Variants in ZHX3 observed in about 807,000 individuals in gnomAD.
ZHX3 encodes the protein zinc fingers and homeoboxes 3, also known as zinc fingers and homeoboxes protein 3.
In ZHX3, 20 loss-of-function variants were observed where a neutral mutation model predicts 64.5. The observed-to-expected ratio is 0.31, with a 90% CI of 0.22 to 0.45. The LOEUF (loss-of-function observed/expected upper bound fraction) is 0.45. Ranked by LOEUF, ZHX3 falls within the 20% of genes least tolerant of loss-of-function variation. The pLI is 1.00. For synonymous variants in ZHX3, 423 were observed against 461.6 expected (o/e 0.92, Z 1.07); for missense variants, 1,041 against 1,195.8 (o/e 0.87, Z 1.91).
At chr20:41,253,723 T>G (rs1342445449) in intron 2 of ZHX3, among the ~76,000 whole-genome samples, 1 of 152,048 alleles carries the variant, frequency 6.6e-6, no homozygotes, top group Non-Finnish European at 1.5e-5. Flanking sequence ...ACATCTTACT[T>G]CCAAAGAAAA....
chr20:41,185,022 C>T lies in ZHX3; in HGVS notation c.*169G>A, dbSNP rs536866385. The T allele has an allele frequency of 1.7e-4, 270 of 1,551,484 alleles. 5 individuals carry two copies. In the South Asian group the frequency reaches 2.8e-3, roughly 16 times the overall value. On this transcript the variant is annotated 3_prime_UTR_variant, in exon 4 of 4. Transcript: ENST00000683867. The surrounding 1 kb of genome is among the most constrained non-coding windows in gnomAD (Gnocchi z 5.0). The stretch of plus-strand genomic sequence containing the variant: ...GCTGCTTGCTTGGTGGTGGGCAGGC[C>T]GAGGGTAGCGGCAGGCTCTGGGCTG...
rs927089100 is a variant in ZHX3, at chr20:41,183,196, T to C, written c.*1995A>G. 4 of 152,222 alleles carry C rather than the reference T, an allele frequency of 2.6e-5. No homozygotes were observed. The South Asian group carries it at 6.2e-4, about 24-fold the overall frequency. The allele number at this position is 152,222 out of a possible 1,614,324, so 9.4% of individuals were successfully genotyped here. ...ATATGTGTGTGTGTATATATATATATATAAATTAATCTGCACGTATATAAA... is the reference window on the plus strand; with the variant it reads ...ATATGTGTGTGTGTATATATATATACATAAATTAATCTGCACGTATATAAA... On this transcript the variant is annotated 3_prime_UTR_variant, in exon 4 of 4. Transcript: ENST00000683867. This position sits in a 1 kb window ranked among gnomAD's most constrained non-coding sequence, Gnocchi z 5.3.
At chr20:41,236,643 T>C (rs1480332726) in intron 2 of ZHX3, among the ~76,000 whole-genome samples, 1 of 152,212 alleles carries the variant, frequency 6.6e-6, no homozygotes, top group Non-Finnish European at 1.5e-5. Flanking sequence ...AAGACTTAAA[T>C]GTTAGACGTA....
At chr20:41,222,269 C>T (rs940271351) in intron 2 of ZHX3, among the ~76,000 whole-genome samples, 19 of 152,110 alleles carry the variant, frequency 1.2e-4, no homozygotes, top group African/African-American at 3.6e-4. Flanking sequence ...ATTGTAGCCA[C>T]GGGAATCAAG....
At chr20:41,255,150 GATAT>G (rs970106723) in intron 2 of ZHX3, among the ~76,000 whole-genome samples, 1 of 151,400 alleles carries the variant, frequency 6.6e-6, no homozygotes, top group Admixed American at 6.6e-5. Context: ...TTGAAAAAAT[GATAT>G]ATATATATTT....
At position 41,202,085 on chromosome 20, in the gene ZHX3, T is replaced by A. The variant is rs1458145801; in HGVS notation, c.2832A>T (p.Thr944=). 2.5e-6 allele frequency: 4 copies of A among 1,607,864 alleles called. No homozygotes were observed. Among genetic ancestry groups the A allele is most frequent in the Non-Finnish European group, 3.4e-6 (4 of 1,176,212 alleles). ...GCTGACGTCCAGCCTGGGGACTCGA[T>A]GTGTCAAAGGGCTCTGAGCTGGCCT... is the stretch of plus-strand genomic sequence containing the variant. The part of the protein sequence containing the change: ...VPEASSEPFD[T]SSPQAGRQLE... The change falls in exon 3 of 4, where the codon ACA becomes ACT. Residue 944 remains threonine (T), a synonymous_variant. Transcript: ENST00000683867. This position sits in a 1 kb window ranked among gnomAD's most constrained non-coding sequence, Gnocchi z 7.0.
intron 1 of ZHX3, among the ~76,000 whole-genome samples, chr20:41,292,192 G>A (rs906889602): frequency 2.6e-5 from 4 of 151,930 alleles, no homozygotes; most frequent in Non-Finnish European, 2.9e-5. Context: ...TTTATCCTCC[G>A]ATTGGGACTT....
intron 2 of ZHX3, among the ~76,000 whole-genome samples, chr20:41,266,700 T>G (rs1337742002): frequency 2.0e-5 from 3 of 149,768 alleles, no homozygotes; most frequent in African/African-American, 4.9e-5. Context: ...CGCGCGCCAC[T>G]GCGCCCAGCT....
At chr20:41,193,845 G>A (rs2037259844) in intron 3 of ZHX3, among the ~76,000 whole-genome samples, 1 of 151,838 alleles carries the variant, frequency 6.6e-6, no homozygotes, top group Admixed American at 6.6e-5. Context: ...TGAGACTAAA[G>A]GCACATGCCA....
chr20:41,216,869 T>A (rs995849900), intron 2 of ZHX3, among the ~76,000 whole-genome samples: 1 of 152,232 alleles, frequency 6.6e-6, no homozygotes, highest in Non-Finnish European at 1.5e-5. Flanking sequence ...ATTCTTGCTA[T>A]TTTCAGTCTT....
intron 2 of ZHX3, among the ~76,000 whole-genome samples, chr20:41,216,691 C>G (rs2039559494): frequency 6.6e-6 from 1 of 152,164 alleles, no homozygotes; most frequent in Non-Finnish European, 1.5e-5. Flanking sequence ...CATCCCTGCA[C>G]ATATTTTTAT....
chr20:41,269,884 C>CA (rs758453044), intron 1 of ZHX3, among the ~76,000 whole-genome samples: 8,340 of 140,396 alleles, frequency 0.059, 720 homozygotes, highest in African/African-American at 0.2. Context: ...TTTTGCCCCT[C>CA]AAAAAAAAAA....
intron 1 of ZHX3, among the ~76,000 whole-genome samples, chr20:41,279,037 A>C (rs2043534179): frequency 6.6e-6 from 1 of 152,194 alleles, no homozygotes; most frequent in Non-Finnish European, 1.5e-5. Flanking sequence ...TCGGCCTCTC[A>C]AAGTTCTGGG....
chr20:41,263,595 C>T (rs1408944551), intron 2 of ZHX3, among the ~76,000 whole-genome samples: 1 of 152,052 alleles, frequency 6.6e-6, no homozygotes, highest in Non-Finnish European at 1.5e-5. Flanking sequence ...GACGGGGTTT[C>T]ACCATGTTGC....
intron 2 of ZHX3, among the ~76,000 whole-genome samples, chr20:41,266,303 G>A (rs1466658580): frequency 6.6e-6 from 1 of 152,134 alleles, no homozygotes; most frequent in African/African-American, 2.4e-5. Flanking sequence ...GTGTCACCAG[G>A]TAGTAGGTAC....
intron 1 of ZHX3, among the ~76,000 whole-genome samples, chr20:41,289,820 A>C (rs1217272325): frequency 6.6e-6 from 1 of 151,728 alleles, no homozygotes; most frequent in Non-Finnish European, 1.5e-5. Context: ...GCCTAGCGGA[A>C]GCCTGACAAA....
At chr20:41,254,170 G>C (rs1367849796) in intron 2 of ZHX3, among the ~76,000 whole-genome samples, 1 of 152,044 alleles carries the variant, frequency 6.6e-6, no homozygotes, top group Non-Finnish European at 1.5e-5. Flanking sequence ...CCATGAGGGG[G>C]ACACTGCAAA....
chr20:41,296,321 T>C (rs2044525685), intron 1 of ZHX3, among the ~76,000 whole-genome samples: 1 of 147,348 alleles, frequency 6.8e-6, no homozygotes, highest in Non-Finnish European at 1.5e-5. Flanking sequence ...ATACTATGTA[T>C]GAAATGCGGC....
At position 41,211,232 on chromosome 20, in the gene ZHX3, A is replaced by G. The variant is rs565484323; in HGVS notation, c.-150-6166T>C. Among the ~76,000 whole-genome samples the G allele has an allele frequency of 4.6e-5, 7 of 152,320 alleles. No homozygotes were observed. In the East Asian group the frequency reaches 1.3e-3, roughly 29 times the overall value. On this transcript the variant is annotated intron_variant, in intron 2 of 3. Coordinates refer to ENST00000683867, the MANE Select transcript of ZHX3 (RefSeq NM_001384317.1). ...AATCATCATTATTACTTTTCGTTTT[A>G]GCAAATCATAATGCTCTAATGACTA...
Sources: allele counts gnomAD v4.1 joint callset (sites outside exome capture counted in the v4.1 genomes callset), GRCh38; gene constraint gnomAD v4.1.1; non-coding constraint Gnocchi (gnomAD v3.1); transcripts MANE v1.5; gene names NCBI Gene and HGNC (gene_info 2026-07-23, HGNC 2026-07-21).